DNAH6: variants seen among roughly 807,000 people sequenced by gnomAD.
DNAH6 encodes axonemal beta dynein heavy chain 6.
In DNAH6, 340 loss-of-function variants were observed where a neutral mutation model predicts 491.4. That is an observed-to-expected ratio of 0.69 (90% CI 0.63 to 0.76). The LOEUF (loss-of-function observed/expected upper bound fraction) is 0.76, where lower values mean the gene tolerates loss of function less well. Among genes scored for constraint, DNAH6 ranks in the 30% least tolerant of loss-of-function variants. DNAH6 has a pLI of 0.00. For synonymous variants in DNAH6, 1,603 were observed against 1,686.1 expected, an observed-to-expected ratio of 0.95 and a Z score of 1.21; for missense variants, 4,443 against 4,972.2, an observed-to-expected ratio of 0.89 and a Z score of 3.20.
At chr2:84,742,627 T>C (rs1235622321) in intron 62 of DNAH6, among the ~76,000 whole-genome samples, 1 of 142,238 alleles carries the variant, frequency 7.0e-6, no homozygotes, top group Non-Finnish European at 1.5e-5. Flanking sequence ...GTCATCTTTA[T>C]TTTGGGCATA....
At chr2:84,587,054 G>C (rs1395053034) in intron 15 of DNAH6, among the ~76,000 whole-genome samples, 1 of 151,924 alleles carries the variant, frequency 6.6e-6, no homozygotes, top group Non-Finnish European at 1.5e-5. Flanking sequence ...TTGTCACCCA[G>C]ATACAAGGCC....
intron 64 of DNAH6, among the ~76,000 whole-genome samples, chr2:84,769,197 T>C (rs995871875): frequency 6.6e-6 from 1 of 152,150 alleles, no homozygotes; most frequent in Admixed American, 6.5e-5. Context: ...ATCCAGCCGC[T>C]GAGAAGGGCT....
chr2:84,492,820 C>A, the DNAH6 span, among the ~76,000 whole-genome samples: 1 of 152,130 alleles, frequency 6.6e-6, no homozygotes, highest in South Asian at 2.1e-4. Flanking sequence ...TGGAGTCTTT[C>A]TAGTATTAAC....
rs1558746624 is a variant in DNAH6, at chr2:84,579,733, A to G, written c.2229+54A>G. 2.1e-6 allele frequency: 3 copies of G among 1,451,494 alleles called. No homozygotes were observed. In the African/African-American group the frequency reaches 4.3e-5, roughly 21 times the overall value. The allele number at this position is 1,451,494 out of a possible 1,614,324, so 89.9% of individuals were successfully genotyped here. On this transcript the variant is annotated intron_variant, in intron 14 of 76. Transcript: ENST00000389394. ...ATTCCAGATCTTATAGTAGGAAGGAAGACATAGGACAAGAAAAAGTGAAGG... is the reference window on the plus strand; with the variant it reads ...ATTCCAGATCTTATAGTAGGAAGGAGGACATAGGACAAGAAAAAGTGAAGG...
At chr2:84,664,418 T>C (rs1489743919) in intron 37 of DNAH6, among the ~76,000 whole-genome samples, 5 of 150,212 alleles carry the variant, frequency 3.3e-5, no homozygotes, top group South Asian at 4.2e-4. Flanking sequence ...ACCAAGCAAA[T>C]AGAAAACAAA....
intron 12 of DNAH6, among the ~76,000 whole-genome samples, chr2:84,575,372 T>G (rs1375019009): frequency 6.6e-6 from 1 of 152,210 alleles, no homozygotes. Context: ...CATTTACTAA[T>G]AATTTCTACA....
intron 41 of DNAH6, among the ~76,000 whole-genome samples, chr2:84,679,891 A>G (rs139130373): frequency 2.4e-4 from 36 of 152,344 alleles, no homozygotes; most frequent in Non-Finnish European, 3.4e-4. Context: ...TTACTCATGT[A>G]TATGTTAGAA....
the DNAH6 span, among the ~76,000 whole-genome samples, chr2:84,496,078 T>C: frequency 1.2e-4 from 18 of 152,180 alleles, no homozygotes; most frequent in African/African-American, 4.3e-4. Context: ...AGAGAGGAAA[T>C]AGAATAAATA....
At chr2:84,521,947 G>C (rs1676186284) in intron 2 of DNAH6, among the ~76,000 whole-genome samples, 1 of 152,058 alleles carries the variant, frequency 6.6e-6, no homozygotes, top group Non-Finnish European at 1.5e-5. Flanking sequence ...GATTGCCTTG[G>C]CTATTCAGCC....
intron 4 of DNAH6, among the ~76,000 whole-genome samples, chr2:84,529,782 T>C (rs4832092): frequency 0.96 from 146,780 of 152,200 alleles, 70,825 homozygotes; most frequent in East Asian, 1. Flanking sequence ...GTTCTTGAGA[T>C]GGTCTTTTCT....
chr2:84,665,102 T>C (rs1222489956), intron 37 of DNAH6, among the ~76,000 whole-genome samples: 1 of 152,172 alleles, frequency 6.6e-6, no homozygotes, highest in Non-Finnish European at 1.5e-5. Context: ...TAAAGCAGTG[T>C]GTAGAGGGAA....
intron 4 of DNAH6, among the ~76,000 whole-genome samples, chr2:84,536,985 A>G (rs1677752967): frequency 6.6e-6 from 1 of 151,996 alleles, no homozygotes. Context: ...AGAAATTGTA[A>G]TTAATGTCTT....
intron 62 of DNAH6, among the ~76,000 whole-genome samples, chr2:84,739,147 T>C (rs186724946): frequency 4.5e-4 from 68 of 152,348 alleles, no homozygotes; most frequent in African/African-American, 9.4e-4. Flanking sequence ...TCTTTAAGAA[T>C]ACTAAAAATA....
At chr2:84,744,856 T>C (rs1028885219) in intron 62 of DNAH6, among the ~76,000 whole-genome samples, 2 of 152,224 alleles carry the variant, frequency 1.3e-5, no homozygotes, top group African/African-American at 4.8e-5. Context: ...AATATTTTGT[T>C]TTGTTTTTGT....
chr2:84,573,035 A>G (rs1203158835), intron 11 of DNAH6, among the ~76,000 whole-genome samples: 2 of 152,186 alleles, frequency 1.3e-5, no homozygotes, highest in Non-Finnish European at 2.9e-5. Context: ...AATGCCAAAG[A>G]TTTGATAGTA....
intron 28 of DNAH6, 72 bp from the exon 29 acceptor site, chr2:84,624,830 A>G (rs1687710566): frequency 1.4e-6 from 2 of 1,407,090 alleles, no homozygotes; most frequent in African/African-American, 1.5e-5. Context: ...TCCTTCCCCC[A>G]TAGAGAGGAA....
intron 11 of DNAH6, among the ~76,000 whole-genome samples, chr2:84,569,808 A>G (rs1295225633): frequency 2.0e-5 from 3 of 152,228 alleles, no homozygotes; most frequent in African/African-American, 7.2e-5. Context: ...GAGGTTACTC[A>G]TCCTCAGAAA....
the DNAH6 span, among the ~76,000 whole-genome samples, chr2:84,470,917 T>C: frequency 4.6e-3 from 702 of 152,296 alleles, 5 homozygotes; most frequent in African/African-American, 0.015. Context: ...GCCATGCTAT[T>C]TATTGGTAAT....
chr2:84,704,258 G>C lies in DNAH6; in HGVS notation c.8421G>C (p.Leu2807Phe). The C allele has an allele frequency of 6.4e-7, 1 of 1,551,646 alleles. No homozygotes were observed. Among genetic ancestry groups the C allele is most frequent in the Non-Finnish European group, 8.7e-7 (1 of 1,146,982 alleles). The change falls in exon 51 of 77, where the codon TTG becomes TTC. Residue 2807 changes from leucine (L) to phenylalanine (F), a missense_variant. Physicochemically the swap from Leu to Phe is conservative, Grantham distance 22. Transcript: ENST00000389394. ...EIRVFTKPPD[L>F]VMTVMEAISI... Reference sequence around the variant, plus strand: ...GAGTTTTTACAAAGCCCCCAGATTTGGTCATGACAGTAATGGAAGCAATCT... The same window carrying C: ...GAGTTTTTACAAAGCCCCCAGATTTCGTCATGACAGTAATGGAAGCAATCT...
Sources: allele counts gnomAD v4.1 joint callset (sites outside exome capture counted in the v4.1 genomes callset), GRCh38; gene constraint gnomAD v4.1.1; transcripts MANE v1.5; gene names NCBI Gene and HGNC (gene_info 2026-07-23, HGNC 2026-07-21).